The following PLXNA4 variants were observed in gnomAD, a reference collection of about 807,000 sequenced individuals.
The protein encoded by PLXNA4 is plexin A4.
PLXNA4 carries 44 observed loss-of-function variants against 191.8 expected under a neutral mutation model. That is an observed-to-expected ratio of 0.23 (90% CI 0.18 to 0.29). The LOEUF (loss-of-function observed/expected upper bound fraction) is 0.29, where lower values mean the gene tolerates loss of function less well. PLXNA4 is among the 10% of genes least tolerant of loss of function. PLXNA4 has a pLI of 1.00. For synonymous variants in PLXNA4, 1,082 were observed against 1,009.5 expected (o/e 1.07, Z -1.36); for missense variants, 1,800 against 2,488.8 (o/e 0.72, Z 5.89).
intron 1 of PLXNA4, among the ~76,000 whole-genome samples, chr7:132,558,132 T>C (rs1479082482): frequency 6.6e-6 from 1 of 152,234 alleles, no homozygotes; most frequent in Admixed American, 6.5e-5. Flanking sequence ...TCTCTACGTG[T>C]ACTACTGTCT....
chr7:132,332,684 A>T (rs1802638361), intron 3 of PLXNA4, among the ~76,000 whole-genome samples: 1 of 132,944 alleles, frequency 7.5e-6, no homozygotes, highest in Non-Finnish European at 1.7e-5. Context: ...CCCCATTTCT[A>T]AAAAAAAAAA....
At chr7:132,322,921 C>T (rs1563034692) in intron 3 of PLXNA4, among the ~76,000 whole-genome samples, 1 of 152,146 alleles carries the variant, frequency 6.6e-6, no homozygotes, top group Non-Finnish European at 1.5e-5. Flanking sequence ...ACAGCTGATC[C>T]ACTATCTCAC....
chr7:132,227,558 T>A lies in PLXNA4; in HGVS notation c.1775A>T (p.Asn592Ile). ...YNVPELSAGVNCTFEDLSEMD... is the reference protein window; with the variant it reads ...YNVPELSAGVICTFEDLSEMD... The stretch of plus-strand genomic sequence containing the variant: ...CTCTGACAGGTCCTCAAAGGTGCAG[T>A]TGACGCCAGCTGACAGCTCCGGGAC... The change falls in exon 7 of 32, where the codon AAC becomes ATC. Residue 592 changes from asparagine to isoleucine, a missense_variant. This residue lies in a region of PLXNA4 where 1,397 missense variants were observed against 1,880.4 expected (regional missense o/e 0.74). Coordinates refer to ENST00000321063, the MANE Select transcript of PLXNA4 (RefSeq NM_020911.2). 1 of 1,614,018 alleles carries A rather than the reference T, an allele frequency of 6.2e-7. No homozygotes were observed. Among genetic ancestry groups the A allele is most frequent in the South Asian group, 1.1e-5 (1 of 91,052 alleles).
intron 10 of PLXNA4, among the ~76,000 whole-genome samples, chr7:132,209,933 A>G (rs916221821): frequency 4.6e-5 from 7 of 152,208 alleles, no homozygotes; most frequent in Non-Finnish European, 1.0e-4. Flanking sequence ...ATTACACCAA[A>G]GTGAATAGAG....
In PLXNA4 at chr7:132,128,163, T is replaced by C. The variant is rs281899; in HGVS notation, c.*2316A>G. 0.92 allele frequency: 140,741 copies of C among 152,288 alleles called. 65,162 individuals are homozygous for C. The highest frequency in any genetic ancestry group is 1 in the East Asian group (5,174 of 5,178). The allele number at this position is 152,288 out of a possible 1,614,324, so 9.4% of individuals were successfully genotyped here. On this transcript the variant is annotated 3_prime_UTR_variant, in exon 32 of 32. Coordinates refer to ENST00000321063, the MANE Select transcript of PLXNA4 (RefSeq NM_020911.2). ...ACTTCCTCAGACCGTCTCCCACATG[T>C]ACCCTTTCTGGCCTTCCAGGTCCTG...
chr7:132,215,573 C>T (rs1797937204), intron 9 of PLXNA4, among the ~76,000 whole-genome samples: 1 of 152,128 alleles, frequency 6.6e-6, no homozygotes, highest in African/African-American at 2.4e-5. Context: ...TGAGGTGACT[C>T]CTGGAGGATG....
intron 5 of PLXNA4, among the ~76,000 whole-genome samples, chr7:132,229,168 G>A (rs1180487520): frequency 1.3e-5 from 2 of 152,166 alleles, no homozygotes; most frequent in South Asian, 2.1e-4. Context: ...TGGGAGAGAG[G>A]GAAGGAAGGA....
At chr7:132,388,363 C>T (rs1399339062) in intron 3 of PLXNA4, among the ~76,000 whole-genome samples, 1 of 152,126 alleles carries the variant, frequency 6.6e-6, no homozygotes, top group African/African-American at 2.4e-5. Context: ...TGTTAAGTAT[C>T]TTGCCCAAAG....
chr7:132,335,589 A>G (rs758452739), intron 3 of PLXNA4, among the ~76,000 whole-genome samples: 2 of 152,190 alleles, frequency 1.3e-5, no homozygotes, highest in African/African-American at 4.8e-5. Flanking sequence ...AGGTCATCCT[A>G]TATTAAATTG....
chr7:132,322,183 G>GTTTTTTTTTTTTTTTTTTTTT (rs1802193748), intron 3 of PLXNA4, among the ~76,000 whole-genome samples: 4 of 81,790 alleles, frequency 4.9e-5, no homozygotes, highest in South Asian at 4.7e-4. Flanking sequence ...CCCTAAAAGG[G>GTTTTTTTTTTTTTTTTTTTTT]CTTTTTTTTT....
chr7:132,334,733 T>G (rs1802749567), intron 3 of PLXNA4, among the ~76,000 whole-genome samples: 1 of 152,144 alleles, frequency 6.6e-6, no homozygotes, highest in African/African-American at 2.4e-5. Flanking sequence ...CTCCCATTCA[T>G]GTGGATAATA....
intron 1 of PLXNA4, among the ~76,000 whole-genome samples, chr7:132,526,299 T>C (rs1799398510): frequency 6.6e-6 from 1 of 152,138 alleles, no homozygotes; most frequent in Non-Finnish European, 1.5e-5. Flanking sequence ...CATGGAGACA[T>C]AGCAGCCCTC....
rs573850015 is a variant in PLXNA4, at chr7:132,509,879, C to T, written c.-86-1100G>A. Among the ~76,000 whole-genome samples, 4 of 152,328 alleles carry T rather than the reference C, an allele frequency of 2.6e-5. No homozygotes were observed. In the East Asian group the frequency reaches 7.7e-4, roughly 29 times the overall value. On this transcript the variant is annotated intron_variant, in intron 1 of 31. Coordinates refer to ENST00000321063, the MANE Select transcript of PLXNA4 (RefSeq NM_020911.2). The stretch of plus-strand genomic sequence containing the variant: ...GCAACCAGGTCCTCTGGGTTCACTG[C>T]CCAACCCTGAGCCCTAATGTTATTT...
intron 3 of PLXNA4, among the ~76,000 whole-genome samples, chr7:132,475,403 AC>A (rs1797084544): frequency 6.6e-6 from 1 of 151,992 alleles, no homozygotes; most frequent in East Asian, 1.9e-4. Flanking sequence ...AAGAAACGGA[AC>A]CCCCTCTAAG....
chr7:132,385,292 G>A, intron 3 of PLXNA4: 8 of 1,611,536 alleles, frequency 5.0e-6, no homozygotes, highest in Non-Finnish European at 6.8e-6. Flanking sequence ...CTGGTACCAG[G>A]CATCTGGAAA....
intron 1 of PLXNA4, among the ~76,000 whole-genome samples, chr7:132,546,891 C>A (rs983132807): frequency 7.9e-5 from 12 of 152,082 alleles, no homozygotes; most frequent in Non-Finnish European, 1.6e-4. Context: ...AATCATGGGT[C>A]CAACCCATGA....
At chr7:132,446,553 T>C (rs888538557) in intron 3 of PLXNA4, among the ~76,000 whole-genome samples, 1 of 152,220 alleles carries the variant, frequency 6.6e-6, no homozygotes, top group Non-Finnish European at 1.5e-5. Flanking sequence ...TCTATCTCTC[T>C]TAGCCTTTGA....
At position 132,185,195 on chromosome 7, in the gene PLXNA4, C is replaced by T. The variant is rs528863656; in HGVS notation, c.3158+104G>A. ...TTGGAATCAATTCCAGCTCATCCAT[C>T]CCCCAAGCAGGACTGGGCCCCCAGA... On this transcript the variant is annotated intron_variant, in intron 16 of 31. Coordinates refer to ENST00000321063, the MANE Select transcript of PLXNA4 (RefSeq NM_020911.2). 18 of 1,433,728 alleles carry T rather than the reference C, an allele frequency of 1.3e-5. No homozygotes were observed. In the African/African-American group the frequency reaches 2.6e-4, roughly 21 times the overall value. 88.8% of individuals were successfully genotyped at this position (1,433,728 alleles called of 1,614,324 possible).
chr7:132,213,774 T>C (rs1167459015), intron 9 of PLXNA4, among the ~76,000 whole-genome samples: 2 of 152,068 alleles, frequency 1.3e-5, no homozygotes, highest in South Asian at 2.1e-4. Context: ...TTCCCTCCCC[T>C]GAAGCAGCAA....
Sources: allele counts gnomAD v4.1 joint callset (sites outside exome capture counted in the v4.1 genomes callset), GRCh38; gene constraint gnomAD v4.1.1; regional missense constraint gnomAD v4.1.1; transcripts MANE v1.5; gene names NCBI Gene and HGNC (gene_info 2026-07-23, HGNC 2026-07-21).